RANBP2: variants seen among roughly 807,000 people sequenced by gnomAD.
RANBP2 encodes E3 SUMO-protein ligase RanBP2.
In RANBP2, 57 loss-of-function variants were observed where a neutral mutation model predicts 303.6. The ratio of observed to expected loss-of-function variants is 0.19; its 90% confidence interval spans 0.15 to 0.23. The LOEUF (loss-of-function observed/expected upper bound fraction) is 0.23, where lower values mean the gene tolerates loss of function less well. Among genes scored for constraint, RANBP2 ranks in the 10% least tolerant of loss-of-function variants. RANBP2 has a pLI of 1.00. For missense variants in RANBP2, 3,138 were observed against 3,780.8 expected, an observed-to-expected ratio of 0.83 and a Z score of 4.46; for synonymous variants, 1,167 against 1,301.5, an observed-to-expected ratio of 0.90 and a Z score of 2.23.
At chr2:109,562,670 G>GC in the RANBP2 span, among the ~76,000 whole-genome samples, 4 of 152,054 alleles carry the variant, frequency 2.6e-5, no homozygotes, top group African/African-American at 4.8e-5. Context: ...AGTTGTCCCT[G>GC]CCCGCTCTTA....
At chr2:109,145,590 A>G in the RANBP2 span, among the ~76,000 whole-genome samples, 13 of 152,174 alleles carry the variant, frequency 8.5e-5, no homozygotes, top group East Asian at 3.9e-4. Flanking sequence ...TGTTGCACGC[A>G]TGGTCGAGCG....
chr2:109,742,310 A>G, the RANBP2 span, among the ~76,000 whole-genome samples: 9 of 100,648 alleles, frequency 8.9e-5, no homozygotes, highest in African/African-American at 2.2e-4. Flanking sequence ...AATCCCAGCT[A>G]TTTGCGAGGC....
chr2:109,015,463 A>G, the RANBP2 span, among the ~76,000 whole-genome samples: 1 of 152,066 alleles, frequency 6.6e-6, no homozygotes, highest in Admixed American at 6.6e-5. Flanking sequence ...CTTTATTGTA[A>G]ATACAGTATA....
the RANBP2 span, among the ~76,000 whole-genome samples, chr2:108,798,187 C>G: frequency 6.6e-6 from 1 of 152,128 alleles, no homozygotes; most frequent in African/African-American, 2.4e-5. Flanking sequence ...ATTTTGGACC[C>G]TAAATTCTCT....
chr2:109,587,699 G>A, the RANBP2 span, among the ~76,000 whole-genome samples: 1 of 152,076 alleles, frequency 6.6e-6, no homozygotes, highest in Non-Finnish European at 1.5e-5. Flanking sequence ...GGATAACAAG[G>A]TCAGGAGATT....
chr2:109,016,120 C>T, the RANBP2 span, among the ~76,000 whole-genome samples: 4 of 152,116 alleles, frequency 2.6e-5, no homozygotes, highest in African/African-American at 7.2e-5. Flanking sequence ...TTCGCTCTGT[C>T]GCCCAGGCTG....
the RANBP2 span, among the ~76,000 whole-genome samples, chr2:108,991,937 T>C: frequency 6.6e-6 from 1 of 152,084 alleles, no homozygotes; most frequent in Non-Finnish European, 1.5e-5. Flanking sequence ...GGAGCTGGGA[T>C]TACAGACATG....
the RANBP2 span, among the ~76,000 whole-genome samples, chr2:109,640,097 A>ATTTT: frequency 7.3e-4 from 107 of 146,092 alleles, 1 homozygote; most frequent in Non-Finnish European, 1.2e-4. Flanking sequence ...TCTGCCTTCT[A>ATTTT]TTTTTTTTTT....
At chr2:109,601,756 C>A in the RANBP2 span, among the ~76,000 whole-genome samples, 2 of 148,512 alleles carry the variant, frequency 1.3e-5, no homozygotes, top group East Asian at 2.0e-4. Context: ...TCTTTCTACA[C>A]CCTGAAGTTA....
At chr2:109,139,537 A>G in the RANBP2 span, among the ~76,000 whole-genome samples, 4 of 152,208 alleles carry the variant, frequency 2.6e-5, no homozygotes, top group African/African-American at 9.7e-5. Flanking sequence ...GAAAACTTCC[A>G]ATGCTAGAAA....
the RANBP2 span, among the ~76,000 whole-genome samples, chr2:108,995,209 G>T: frequency 4.6e-5 from 7 of 152,050 alleles, no homozygotes; most frequent in Admixed American, 3.9e-4. Flanking sequence ...CACCTGTGCT[G>T]GAGTGAAGTA....
chr2:109,622,546 T>C, the RANBP2 span, among the ~76,000 whole-genome samples: 1 of 152,190 alleles, frequency 6.6e-6, no homozygotes, highest in Non-Finnish European at 1.5e-5. Flanking sequence ...CATTTTCCAG[T>C]GTCACCTAGG....
the RANBP2 span, among the ~76,000 whole-genome samples, chr2:109,301,227 G>A: frequency 1.3e-5 from 2 of 152,118 alleles, no homozygotes; most frequent in Non-Finnish European, 2.9e-5. Flanking sequence ...GGGGTTTGCT[G>A]ATCTCTGTGC....
chr2:109,696,333 T>C, the RANBP2 span, among the ~76,000 whole-genome samples: 1 of 152,376 alleles, frequency 6.6e-6, no homozygotes, highest in Non-Finnish European at 1.5e-5. Context: ...TTTAGGTCTA[T>C]GATCTATTTC....
At chr2:109,293,101 C>T in the RANBP2 span, among the ~76,000 whole-genome samples, 2 of 152,156 alleles carry the variant, frequency 1.3e-5, no homozygotes, top group African/African-American at 2.4e-5. Flanking sequence ...AGGACTGTCT[C>T]GCCATGACAC....
the RANBP2 span, among the ~76,000 whole-genome samples, chr2:109,203,430 C>T: frequency 1.3e-5 from 2 of 152,294 alleles, no homozygotes; most frequent in South Asian, 2.1e-4. Context: ...TGTGGTCAGG[C>T]GATCACTGTA....
chr2:109,177,997 C>T, the RANBP2 span, among the ~76,000 whole-genome samples: 1 of 152,084 alleles, frequency 6.6e-6, no homozygotes, highest in Non-Finnish European at 1.5e-5. Flanking sequence ...AAAATTAGAC[C>T]TAAACAAAGG....
At chr2:109,110,472 C>T in the RANBP2 span, among the ~76,000 whole-genome samples, 2 of 152,138 alleles carry the variant, frequency 1.3e-5, no homozygotes, top group Non-Finnish European at 2.9e-5. Flanking sequence ...TTTGCGAGCT[C>T]CCTTTCAAGC....
chr2:109,099,620 T>C, the RANBP2 span, among the ~76,000 whole-genome samples: 2 of 151,800 alleles, frequency 1.3e-5, no homozygotes, highest in Non-Finnish European at 2.9e-5. Context: ...CTGAGAGCCT[T>C]GGGATTTTAT....
Sources: gnomAD v4.1 joint callset for allele counts (sites outside exome capture counted in the v4.1 genomes callset) on GRCh38, gnomAD v4.1.1 for gene constraint, MANE v1.5 for transcripts, NCBI Gene and HGNC (gene_info 2026-07-23, HGNC 2026-07-21) for gene names.